The following C4orf54 variants were observed in gnomAD, a reference collection of about 807,000 sequenced individuals.
The protein encoded by C4orf54 is uncharacterized protein C4orf54.
In C4orf54, 67 loss-of-function variants were observed where a neutral mutation model predicts 80.1. The ratio of observed to expected loss-of-function variants is 0.84; its 90% CI spans 0.69 to 1.03. C4orf54 has a LOEUF of 1.03. C4orf54 is among the 50% of genes least tolerant of loss of function. C4orf54 has a pLI of 0.00. For synonymous variants in C4orf54, 1,000 were observed against 917.0 expected (o/e 1.09, Z -1.64); for missense variants, 2,434 against 2,253.5 (o/e 1.08, Z -1.62).
In C4orf54 at chr4:99,650,896, C is replaced by T. The variant is rs1726807873; in HGVS notation, c.3753G>A (p.Arg1251=). The change falls in exon 2 of 3, where the codon CGG becomes CGA. Residue 1251 remains arginine, a synonymous_variant. Transcript: ENST00000511828. ...KEEGKATKPA[R]NALEKLTAAV... Reference sequence around the variant, plus strand: ...CTGCAGTCAGCTTCTCCAGGGCATTCCGGGCTGGCTTCGTGGCTTTCCCTT... The same window carrying T: ...CTGCAGTCAGCTTCTCCAGGGCATTTCGGGCTGGCTTCGTGGCTTTCCCTT... 6.5e-7 allele frequency: 1 copy of T among 1,536,188 alleles called. No individual in the cohort carries two copies. The highest frequency in any genetic ancestry group is 8.7e-7 in the Non-Finnish European group (1 of 1,146,908).
Position 99,653,192 on chromosome 4 carries a change from C to T in C4orf54, c.1457G>A (p.Gly486Asp), listed in dbSNP as rs886728302. ...CAAGGGCTCAGTCAGGGGGGCAGTG[C>T]CAGGCCCAGTGGGTGGGGGAGTGGG... Reference protein sequence around the residue: ...SGPTPPPTGPGTAPLTEPLPE... With the variant: ...SGPTPPPTGPDTAPLTEPLPE... Residue 486 changes from glycine to aspartate, a missense_variant, in exon 2 of 3, where the codon GGC (glycine) becomes GAC (aspartate). Transcript: ENST00000511828. The T allele has an allele frequency of 2.3e-5, 35 of 1,535,682 alleles. No homozygotes were observed. Among genetic ancestry groups the T allele is most frequent in the Admixed American group, 3.9e-5 (2 of 50,964 alleles).
rs952058950 is a variant in C4orf54, at chr4:99,652,518, T to G, written c.2131A>C (p.Lys711Gln). 91 of 1,535,922 alleles carry G rather than the reference T, an allele frequency of 5.9e-5. No individual in the cohort carries two copies. Among genetic ancestry groups the G allele is most frequent in the Non-Finnish European group, 7.7e-5 (88 of 1,146,880 alleles). The change falls in exon 2 of 3, where the codon AAG (lysine) becomes CAG (glutamine). Residue 711 changes from lysine (K) to glutamine (Q), a missense_variant. Lys to Gln is a moderately conservative substitution (Grantham distance 53). Transcript: ENST00000511828. ...TADQLYIQSK[K>Q]SQTKALEFVV... is the part of the protein sequence containing the mutation. ...AACTCCAAGGCCTTGGTCTGAGACT[T>G]CTTGGACTGGATGTAGAGCTGGTCG...
chr4:99,650,901 C>A lies in C4orf54; in HGVS notation c.3748G>T (p.Ala1250Ser). 1 of 1,536,234 alleles carries A rather than the reference C, an allele frequency of 6.5e-7. No individual in the cohort carries two copies. Among genetic ancestry groups the A allele is most frequent in the Non-Finnish European group, 8.7e-7 (1 of 1,146,930 alleles). ...VKEEGKATKPARNALEKLTAA... is the reference protein window; with the variant it reads ...VKEEGKATKPSRNALEKLTAA... ...GTCAGCTTCTCCAGGGCATTCCGGG[C>A]TGGCTTCGTGGCTTTCCCTTCCTCC... Residue 1250 changes from alanine (A) to serine (S), a missense_variant, in exon 2 of 3, where the codon GCC becomes TCC. Coordinates refer to ENST00000511828, the MANE Select transcript of C4orf54 (RefSeq NM_001354435.2).
At position 99,653,040 on chromosome 4, in the gene C4orf54, G is replaced by A. The variant is rs866088896; in HGVS notation, c.1609C>T (p.Arg537Cys). The A allele has an allele frequency of 2.0e-6, 3 of 1,536,030 alleles. No homozygotes were observed. The highest frequency in any genetic ancestry group is 2.4e-5 in the South Asian group (2 of 84,062). ...SRAINEPSNV[R>C]AKQNIIYAAK... The stretch of plus-strand genomic sequence containing the variant: ...GCATAAATAATGTTTTGCTTTGCAC[G>A]CACGTTGCTAGGCTCATTTATAGCC... Residue 537 changes from arginine (R) to cysteine (C), a missense_variant, in exon 2 of 3, where the codon CGT becomes TGT. Arg to Cys is a radical substitution (Grantham distance 180). Transcript: ENST00000511828.
chr4:99,644,861 T>A (rs1726673288), intron 2 of C4orf54, among the ~76,000 whole-genome samples: 1 of 114,024 alleles, frequency 8.8e-6, no homozygotes. Flanking sequence ...AGGAACAAGT[T>A]GCAAAAAAAA....
In C4orf54 at chr4:99,651,713, A is replaced by G; in HGVS notation, c.2936T>C (p.Ile979Thr). 2 of 1,534,292 alleles carry G rather than the reference A, an allele frequency of 1.3e-6. No homozygotes were observed. The highest frequency in any genetic ancestry group is 8.7e-7 in the Non-Finnish European group (1 of 1,146,412). ...CATGATGGTGTTCTTGCTGGCAGAA[A>G]TCTCCCCGAGATCAGCCCGCCAGTC... ...GGDWRADLGEISASKNTIMSR... is the reference protein window; with the variant it reads ...GGDWRADLGETSASKNTIMSR... The change falls in exon 2 of 3, where the codon ATT becomes ACT. Residue 979 changes from isoleucine (I) to threonine (T), a missense_variant. Ile to Thr is a moderately conservative substitution (Grantham distance 89). Transcript: ENST00000511828.
rs566693598 is a variant in C4orf54, at chr4:99,650,361, T to A, written c.4288A>T (p.Ile1430Phe). 5.2e-6 allele frequency: 8 copies of A among 1,536,064 alleles called. No individual in the cohort carries two copies. The South Asian group carries it at 9.5e-5, about 18-fold the overall frequency. Residue 1430 changes from isoleucine (I) to phenylalanine (F), a missense_variant, in exon 2 of 3, where the codon ATC (isoleucine) becomes TTC (phenylalanine). Coordinates refer to ENST00000511828, the MANE Select transcript of C4orf54 (RefSeq NM_001354435.2). ...SPESPSAAKG[I>F]KSQGLRSLKI... is the part of the protein sequence containing the mutation. Reference sequence around the variant, plus strand: ...AGGGACCGGAGTCCCTGCGACTTGATGCCCTTAGCTGCTGAAGGACTCTCC... The same window carrying A: ...AGGGACCGGAGTCCCTGCGACTTGAAGCCCTTAGCTGCTGAAGGACTCTCC...
intron 2 of C4orf54, among the ~76,000 whole-genome samples, chr4:99,643,174 A>T (rs747140094): frequency 6.6e-6 from 1 of 152,096 alleles, no homozygotes; most frequent in Non-Finnish European, 1.5e-5. Context: ...GTTTCAAGGG[A>T]GCTTGAACAC....
rs1726584662 is a variant in C4orf54, at chr4:99,640,312, A to G, written c.*921T>C. ...GAATCAGAGCCACTGAATTAGTGCCATATTCTACTCTACTGCCCCAAATGG... is the reference window on the plus strand; with the variant it reads ...GAATCAGAGCCACTGAATTAGTGCCGTATTCTACTCTACTGCCCCAAATGG... On this transcript the variant is annotated 3_prime_UTR_variant, in exon 3 of 3. Transcript: ENST00000511828. 6.6e-6 allele frequency: 1 copy of G among 152,192 alleles called. No homozygotes were observed. The highest frequency in any genetic ancestry group is 1.5e-5 in the Non-Finnish European group (1 of 68,000). 9.4% of individuals were successfully genotyped at this position (152,192 alleles called of 1,614,324 possible). A position where few individuals can be genotyped will look rare whatever the true frequency, so the allele number is the denominator to read the frequency against.
At position 99,649,634 on chromosome 4, in the gene C4orf54, T is replaced by A. The variant is rs1312524091; in HGVS notation, c.5015A>T (p.Tyr1672Phe). The change falls in exon 2 of 3, where the codon TAT (tyrosine) becomes TTT (phenylalanine). Residue 1672 changes from tyrosine (Y) to phenylalanine (F), a missense_variant. Transcript: ENST00000511828. ...VPPLALSPGA[Y>F]GPTYMIYPGF... is the part of the protein sequence containing the mutation. ...AGGGTAAATCATGTAGGTGGGTCCA[T>A]AAGCCCCAGGACTCAGGGCCAAGGG... is the stretch of plus-strand genomic sequence containing the variant. 6.5e-7 allele frequency: 1 copy of A among 1,535,976 alleles called. No homozygotes were observed. The highest frequency in any genetic ancestry group is 1.2e-5 in the South Asian group (1 of 84,048).
In C4orf54 at chr4:99,640,213, G is replaced by A. The variant is rs1726582361; in HGVS notation, c.*1020C>T. ...GGATTCTTGACATCTCTTCAAACCT[G>A]CCTCATCCTCATAAGGAGCAAGTGC... is the stretch of plus-strand genomic sequence containing the variant. On this transcript the variant is annotated 3_prime_UTR_variant, in exon 3 of 3. Coordinates refer to ENST00000511828, the MANE Select transcript of C4orf54 (RefSeq NM_001354435.2). The A allele has an allele frequency of 6.6e-6, 1 of 152,038 alleles. No homozygotes were observed. The highest frequency in any genetic ancestry group is 2.4e-5 in the African/African-American group (1 of 41,402). The allele number at this position is 152,038 out of a possible 1,614,324, so 9.4% of individuals were successfully genotyped here.
At position 99,639,263 on chromosome 4, in the gene C4orf54, C is replaced by G. The variant is rs1726563941; in HGVS notation, c.*1970G>C. The G allele has an allele frequency of 6.6e-6, 1 of 152,092 alleles. No individual in the cohort carries two copies. Among genetic ancestry groups the G allele is most frequent in the Non-Finnish European group, 1.5e-5 (1 of 67,990 alleles). 9.4% of individuals were successfully genotyped at this position (152,092 alleles called of 1,614,324 possible). A position where few individuals can be genotyped will look rare whatever the true frequency, so the allele number is the denominator to read the frequency against. On this transcript the variant is annotated 3_prime_UTR_variant, in exon 3 of 3. Transcript: ENST00000511828. ...AGGTGTATTCAAATACTGGAGGTTTCTTGGTGCTGCTTTCAGTAAAATAAG... is the reference window on the plus strand; with the variant it reads ...AGGTGTATTCAAATACTGGAGGTTTGTTGGTGCTGCTTTCAGTAAAATAAG...
chr4:99,650,315 C>T lies in C4orf54; in HGVS notation c.4334G>A (p.Arg1445Gln), dbSNP rs146331309. The T allele has an allele frequency of 9.2e-4, 1,408 of 1,536,016 alleles. 9 individuals are homozygous for T. In the African/African-American group the frequency reaches 0.017, roughly 19 times the overall value. The part of the protein sequence containing the change: ...LRSLKISPAT[R>Q]APPDEVTNRK... ...GTTGGTCACCTCATCAGGAGGTGCC[C>T]GGGTGGCTGGAGAGATCTTGAGGGA... The change falls in exon 2 of 3, where the codon CGG becomes CAG. Residue 1445 changes from arginine to glutamine, a missense_variant. By Grantham distance (43) the Arg-to-Gln change is conservative. Coordinates refer to ENST00000511828, the MANE Select transcript of C4orf54 (RefSeq NM_001354435.2).
At position 99,650,559 on chromosome 4, in the gene C4orf54, T is replaced by C. The variant is rs1001250125; in HGVS notation, c.4090A>G (p.Arg1364Gly). 7.8e-6 allele frequency: 12 copies of C among 1,535,986 alleles called. No individual in the cohort carries two copies. In the African/African-American group the frequency reaches 8.2e-5, roughly 11 times the overall value. The stretch of plus-strand genomic sequence containing the variant: ...ATATAGAGAGATCGGGGTCTTTCCC[T>C]GGCCAGGTTCTCAAAGGCCGCTGCC... ...ARAAAFENLA[R>G]ERPRSLYIPP... is the part of the protein sequence containing the mutation. The change falls in exon 2 of 3, where the codon AGG becomes GGG. Residue 1364 changes from arginine to glycine, a missense_variant. Coordinates refer to ENST00000511828, the MANE Select transcript of C4orf54 (RefSeq NM_001354435.2).
At chr4:99,654,807 GT>G (rs1264410622) in intron 1 of C4orf54, among the ~76,000 whole-genome samples, 128 bp from the exon 2 acceptor site, 1 of 152,174 alleles carries the variant, frequency 6.6e-6, no homozygotes, top group African/African-American at 2.4e-5. Context: ...AAGGTTGGGG[GT>G]GGAGGAGGCA....
In C4orf54 at chr4:99,652,106, G is replaced by T; in HGVS notation, c.2543C>A (p.Thr848Lys). The T allele has an allele frequency of 1.3e-6, 2 of 1,536,032 alleles. No homozygotes were observed. Among genetic ancestry groups the T allele is most frequent in the South Asian group, 1.2e-5 (1 of 84,060 alleles). Residue 848 changes from threonine to lysine, a missense_variant, in exon 2 of 3, where the codon ACG (threonine) becomes AAG (lysine). Coordinates refer to ENST00000511828, the MANE Select transcript of C4orf54 (RefSeq NM_001354435.2). Reference sequence around the variant, plus strand: ...CCTCTCGCTCCCGCGGGCGCCCTCCGTCTCCTTGGAGGTGCCTGAGAGGTG... The same window carrying T: ...CCTCTCGCTCCCGCGGGCGCCCTCCTTCTCCTTGGAGGTGCCTGAGAGGTG... ...SHHLSGTSKE[T>K]EGARGSERQR...
Position 99,651,554 on chromosome 4 carries a change from C to T in C4orf54, c.3095G>A (p.Arg1032Gln), listed in dbSNP as rs1281530022. 1 of 1,536,016 alleles carries T rather than the reference C, an allele frequency of 6.5e-7. No homozygotes were observed. The highest frequency in any genetic ancestry group is 1.4e-5 in the African/African-American group (1 of 73,020). ...IRPKAPEIKI[R>Q]LGSVQQPSSD... ...GCTCGGCTGCTGCACACTCCCCAGC[C>T]GGATCTTGATTTCGGGAGCCTTGGG... Residue 1032 changes from arginine to glutamine, a missense_variant, in exon 2 of 3, where the codon CGG (arginine) becomes CAG (glutamine). Arg to Gln is a conservative substitution (Grantham distance 43, BLOSUM62 1). Transcript: ENST00000511828.
chr4:99,647,682 T>A (rs546614531), intron 2 of C4orf54, among the ~76,000 whole-genome samples: 1 of 152,344 alleles, frequency 6.6e-6, no homozygotes, highest in South Asian at 2.1e-4. Context: ...TGTCTAATAT[T>A]GTCTTACAGT....
chr4:99,646,508 T>C (rs17029263), intron 2 of C4orf54, among the ~76,000 whole-genome samples: 10,952 of 152,238 alleles, frequency 0.072, 619 homozygotes, highest in African/African-American at 0.16. Flanking sequence ...CCTCCTTTAC[T>C]GTCCCTTTTT....
Sources: gnomAD v4.1 joint callset for allele counts (sites outside exome capture counted in the v4.1 genomes callset) on GRCh38, gnomAD v4.1.1 for gene constraint, MANE v1.5 for transcripts, NCBI Gene and HGNC (gene_info 2026-07-23, HGNC 2026-07-21) for gene names.